The following TMEM117 variants were observed in gnomAD, a reference collection of about 807,000 sequenced individuals.
The protein encoded by TMEM117 is transmembrane protein 117.
Under a neutral mutation model 52.4 loss-of-function variants are expected in TMEM117, and 27 were observed. The observed-to-expected ratio is 0.51, with a 90% CI of 0.38 to 0.71. TMEM117 has a LOEUF of 0.71. TMEM117 is among the 30% of genes least tolerant of loss of function. The pLI is 0.00. For missense variants in TMEM117, 556 were observed against 630.5 expected (o/e 0.88, Z 1.26); for synonymous variants, 215 against 206.3 (o/e 1.04, Z -0.36).
At chr12:44,373,082 T>C (rs1033670191) in intron 6 of TMEM117, among the ~76,000 whole-genome samples, 4 of 152,228 alleles carry the variant, frequency 2.6e-5, no homozygotes, top group Non-Finnish European at 5.9e-5. Flanking sequence ...AGGATTATAA[T>C]AGAACGTTGC....
intron 4 of TMEM117, among the ~76,000 whole-genome samples, chr12:44,150,748 G>A (rs918072006): frequency 6.6e-6 from 1 of 152,064 alleles, no homozygotes; most frequent in South Asian, 2.1e-4. Flanking sequence ...AATAAGGCAG[G>A]AGAGTCTAAC....
intron 2 of TMEM117, among the ~76,000 whole-genome samples, chr12:43,922,714 T>C (rs1370882086): frequency 1.3e-5 from 2 of 152,172 alleles, no homozygotes; most frequent in Non-Finnish European, 1.5e-5. Context: ...AGAATGAAAG[T>C]TGGAACTCAT....
chr12:43,886,914 C>T (rs1176917522), intron 2 of TMEM117, among the ~76,000 whole-genome samples: 2 of 152,130 alleles, frequency 1.3e-5, no homozygotes, highest in Non-Finnish European at 2.9e-5. Context: ...GTGGCGTGAT[C>T]TCGGTTCACT....
chr12:43,964,799 T>A lies in TMEM117; in HGVS notation c.410+20457T>A, dbSNP rs189393204. The stretch of plus-strand genomic sequence containing the variant: ...TCTGATACGGTCACTACATTCATTC[T>A]GATTGGTACTTCTTATGCCATTTTG... On this transcript the variant is annotated intron_variant, in intron 3 of 7. Transcript: ENST00000266534. Among the ~76,000 whole-genome samples, 9 of 152,350 alleles carry A rather than the reference T, an allele frequency of 5.9e-5. No individual in the cohort carries two copies. In the East Asian group the frequency reaches 1.7e-3, roughly 29 times the overall value.
intron 2 of TMEM117, among the ~76,000 whole-genome samples, chr12:43,937,719 C>T (rs1176299320): frequency 1.3e-5 from 2 of 152,052 alleles, no homozygotes; most frequent in Admixed American, 1.3e-4. Context: ...ATTATTTGTT[C>T]ATTTATTTGT....
rs1345159254 is a variant in TMEM117 at position 44,152,785 on chromosome 12, T to C, written c.510+9161T>C. 3.3e-4 allele frequency among the ~76,000 whole-genome samples: 47 copies of C among 142,026 alleles called. No homozygotes were observed. In the Admixed American group the frequency reaches 3.5e-3, roughly 11 times the overall value. The allele number at this position is 142,026 out of a possible 152,430, so 93.2% of individuals were successfully genotyped here. A position where few individuals can be genotyped will look rare whatever the true frequency, so the allele number is the denominator to read the frequency against. On this transcript the variant is annotated intron_variant, in intron 4 of 7. Coordinates refer to ENST00000266534, the MANE Select transcript of TMEM117 (RefSeq NM_032256.3). ...ATATAATATAAATATAAATATGGTG[T>C]CACATAAATATATATACATTATGTT...
intron 6 of TMEM117, among the ~76,000 whole-genome samples, chr12:44,313,846 CT>C (rs1304267487): frequency 6.6e-6 from 1 of 151,770 alleles, no homozygotes; most frequent in East Asian, 1.9e-4. Flanking sequence ...TTCCTAGGTA[CT>C]TTTTTGTGTG....
chr12:44,225,723 T>G (rs1949852091), intron 5 of TMEM117, among the ~76,000 whole-genome samples: 1 of 152,202 alleles, frequency 6.6e-6, no homozygotes, highest in Non-Finnish European at 1.5e-5. Flanking sequence ...TTAGCATCAT[T>G]GCTTCTTATA....
chr12:43,874,972 A>C (rs1943768949), intron 2 of TMEM117, among the ~76,000 whole-genome samples: 1 of 152,190 alleles, frequency 6.6e-6, no homozygotes, highest in Non-Finnish European at 1.5e-5. Flanking sequence ...CTCACTAATA[A>C]ATAACATTTG....
the TMEM117 span, among the ~76,000 whole-genome samples, chr12:43,823,661 G>A: frequency 2.6e-5 from 4 of 151,954 alleles, no homozygotes; most frequent in Non-Finnish European, 1.5e-5. Flanking sequence ...CTACAGGCAC[G>A]CGCCACCACA....
chr12:44,194,674 A>G lies in TMEM117; in HGVS notation c.511-16616A>G, dbSNP rs185551312. ...AACCCTGTCTCTACAAAAGATACAA[A>G]TATTATTCGGGCATGGTGGCATGGC... On this transcript the variant is annotated intron_variant, in intron 4 of 7. Coordinates refer to ENST00000266534, the MANE Select transcript of TMEM117 (RefSeq NM_032256.3). Among the ~76,000 whole-genome samples the G allele has an allele frequency of 1.1e-4, 16 of 151,990 alleles. No homozygotes were observed. In the East Asian group the frequency reaches 3.1e-3, roughly 30 times the overall value.
At chr12:43,944,686 G>A (rs1353335488) in intron 3 of TMEM117, among the ~76,000 whole-genome samples, 2 of 152,190 alleles carry the variant, frequency 1.3e-5, no homozygotes, top group African/African-American at 2.4e-5. Context: ...GTGGGGCTAA[G>A]ATGAAGGTTT....
At chr12:43,968,873 A>C (rs1945528264) in intron 3 of TMEM117, among the ~76,000 whole-genome samples, 2 of 152,206 alleles carry the variant, frequency 1.3e-5, no homozygotes, top group South Asian at 4.1e-4. Flanking sequence ...TGCAGCCTGC[A>C]CATGGGGAAA....
At chr12:44,049,521 G>A (rs1946935078) in intron 3 of TMEM117, among the ~76,000 whole-genome samples, 1 of 149,542 alleles carries the variant, frequency 6.7e-6, no homozygotes, top group South Asian at 2.1e-4. Context: ...TTCTGCATGT[G>A]TATCCCAGAA....
the TMEM117 span, among the ~76,000 whole-genome samples, chr12:43,804,897 CTT>C: frequency 6.6e-6 from 1 of 152,192 alleles, no homozygotes; most frequent in Non-Finnish European, 1.5e-5. Context: ...TTTTCTTGCT[CTT>C]TTGAAAAATA....
chr12:44,253,835 T>TACACACACACACACAC (rs10565033), intron 5 of TMEM117, among the ~76,000 whole-genome samples: 12 of 136,258 alleles, frequency 8.8e-5, no homozygotes, highest in Non-Finnish European at 1.3e-4. Flanking sequence ...TGATAATTCC[T>TACACACACACACACAC]ACACACACAC....
At chr12:43,813,571 T>C in the TMEM117 span, among the ~76,000 whole-genome samples, 1 of 151,992 alleles carries the variant, frequency 6.6e-6, no homozygotes, top group South Asian at 2.1e-4. Context: ...GAACTATTTT[T>C]CCCTCCCTTT....
At chr12:44,027,388 G>C (rs1488875347) in intron 3 of TMEM117, among the ~76,000 whole-genome samples, 1 of 151,838 alleles carries the variant, frequency 6.6e-6, no homozygotes, top group Non-Finnish European at 1.5e-5. Context: ...TGGCCAGGCT[G>C]GTCTTGAACT....
At chr12:43,858,718 T>C (rs1274143038) in intron 2 of TMEM117, among the ~76,000 whole-genome samples, 1 of 152,212 alleles carries the variant, frequency 6.6e-6, no homozygotes, top group Non-Finnish European at 1.5e-5. Flanking sequence ...AACCAGCAAA[T>C]ACACACAAAC....
Sources: allele counts gnomAD v4.1 joint callset (sites outside exome capture counted in the v4.1 genomes callset), GRCh38; gene constraint gnomAD v4.1.1; transcripts MANE v1.5; gene names NCBI Gene and HGNC (gene_info 2026-07-23, HGNC 2026-07-21).